The following MYH11 variants were observed in gnomAD, a reference collection of about 807,000 sequenced individuals.
The protein encoded by MYH11 is myosin heavy chain 11.
In MYH11, 80 loss-of-function variants were observed where a neutral mutation model predicts 246.6. That is an observed-to-expected ratio of 0.32 (90% CI 0.27 to 0.39). The LOEUF (loss-of-function observed/expected upper bound fraction) is 0.39. MYH11 is among the 10% of genes least tolerant of loss of function. The probability of loss-of-function intolerance (pLI) is 1.00; values close to 1 mark genes in which losing one functional copy is unlikely to be tolerated. For missense variants in MYH11, 2,158 were observed against 2,546.8 expected (o/e 0.85, Z 3.29); for synonymous variants, 1,071 against 1,015.5 (o/e 1.05, Z -1.04).
chr16:15,741,673 C>T lies in MYH11; in HGVS notation c.2653-4G>A. The T allele has an allele frequency of 6.2e-7, 1 of 1,613,926 alleles. No homozygotes were observed. The highest frequency in any genetic ancestry group is 8.5e-7 in the Non-Finnish European group (1 of 1,180,044). ...GCAGGTTCTTCTCCTCGGTCAGCTG[C>T]ACGCAGGTGGTGGGGAGGAGGCGGG... On this transcript the variant is annotated splice_region_variant and splice_polypyrimidine_tract_variant and intron_variant, in intron 21 of 40. Coordinates refer to ENST00000300036, the MANE Select transcript of MYH11 (RefSeq NM_002474.3).
chr16:15,816,203 T>C (rs1009273106), intron 3 of MYH11, among the ~76,000 whole-genome samples: 5 of 152,120 alleles, frequency 3.3e-5, no homozygotes, highest in Non-Finnish European at 5.9e-5. Flanking sequence ...CTAAGGGGAA[T>C]TTCAAGGATG....
chr16:15,779,520 G>A (rs1471132728), intron 6 of MYH11: 1 of 158,132 alleles, frequency 6.3e-6, no homozygotes, highest in African/African-American at 2.4e-5. Context: ...TTGCTCCTGA[G>A]AGGTAGGGCC....
chr16:15,720,762 CACCA>C, intron 33 of MYH11, 73 bp downstream of exon 33: 2 of 1,481,542 alleles, frequency 1.3e-6, no homozygotes, highest in African/African-American at 2.8e-5. Context: ...GAAGTTTCCA[CACCA>C]ACCATGAGAG....
At chr16:15,777,197 C>A (rs1363349715) in intron 7 of MYH11, among the ~76,000 whole-genome samples, 2 of 152,174 alleles carry the variant, frequency 1.3e-5, no homozygotes, top group East Asian at 1.9e-4. Context: ...TCTTGGCTCA[C>A]TGCAACCTCT....
chr16:15,708,748 A>G (rs1294250172), intron 40 of MYH11: 1 of 1,556,384 alleles, frequency 6.4e-7, no homozygotes, highest in African/African-American at 1.6e-5. Context: ...CGCATTGGGC[A>G]GAAAAGAAAT....
chr16:15,805,858 G>A (rs755553831), intron 3 of MYH11, among the ~76,000 whole-genome samples: 14 of 152,344 alleles, frequency 9.2e-5, no homozygotes, highest in Non-Finnish European at 1.2e-4. Context: ...GGAGGTTGTA[G>A]TAAGCCACGA....
At chr16:15,817,132 A>G (rs1473381528) in intron 3 of MYH11, among the ~76,000 whole-genome samples, 2 of 152,288 alleles carry the variant, frequency 1.3e-5, no homozygotes, top group African/African-American at 4.8e-5. Context: ...AGGGAAGCTA[A>G]GGGTCTAATG....
intron 3 of MYH11, among the ~76,000 whole-genome samples, chr16:15,805,273 C>T (rs771616809): frequency 2.0e-5 from 3 of 152,168 alleles, no homozygotes; most frequent in East Asian, 1.9e-4. Flanking sequence ...TTTGAGAAAA[C>T]GGTGCCTTTC....
rs541280738 is a variant in MYH11, at chr16:15,724,960, G to C, written c.3891C>G (p.Asn1297Lys). The change falls in exon 29 of 41, where the codon AAC becomes AAG. Residue 1297 changes from asparagine to lysine, a missense_variant. Around this residue, in one of 11 missense-constraint regions of MYH11, gnomAD observed 1,013 missense variants for 993.5 expected, o/e 1.02. Transcript: ENST00000300036. ...GCTTAATGGCCTTCCCCTCGGCCTC[G>C]TTAAGCATCCCTGTGACGCTCTCAA... ...NEVESVTGML[N>K]EAEGKAIKLA... is the part of the protein sequence containing the mutation. 2 of 1,613,966 alleles carry C rather than the reference G, an allele frequency of 1.2e-6. No homozygotes were observed. The highest frequency in any genetic ancestry group is 1.7e-6 in the Non-Finnish European group (2 of 1,180,028).
chr16:15,776,062 A>G lies in MYH11; in HGVS notation c.889+16T>C. The G allele has an allele frequency of 6.4e-7, 1 of 1,573,014 alleles. No individual in the cohort carries two copies. ...GGCTCAAGCCATCCAATCACATGTC[A>G]TTGCTAGTCACTTACTTCTCATCTT... On this transcript the variant is annotated intron_variant, in intron 8 of 40. Transcript: ENST00000300036.
intron 3 of MYH11, among the ~76,000 whole-genome samples, chr16:15,804,804 T>C (rs763142768): frequency 4.1e-4 from 62 of 152,240 alleles, no homozygotes; most frequent in Non-Finnish European, 7.8e-4. Flanking sequence ...AGCATGTGGC[T>C]GAAGTTCATC....
At chr16:15,808,146 T>C (rs1001511517) in intron 3 of MYH11, among the ~76,000 whole-genome samples, 4 of 152,208 alleles carry the variant, frequency 2.6e-5, no homozygotes, top group African/African-American at 9.6e-5. Context: ...GCTCTCTACC[T>C]AATGCCCCGC....
Position 15,741,852 on chromosome 16 carries a change from T to C in MYH11, c.2560A>G (p.Met854Val). 6.2e-7 allele frequency: 1 copy of C among 1,614,152 alleles called. No individual in the cohort carries two copies. Among genetic ancestry groups the C allele is most frequent in the Non-Finnish European group, 8.5e-7 (1 of 1,180,032 alleles). ...TGCAGTTCATCCTCCTTGGCCTGCA[T>C]CTCCTCCTCCTGCCGTGTCACCTGC... is the stretch of plus-strand genomic sequence containing the variant. ...LLQVTRQEEEMQAKEDELQKT... is the reference protein window; with the variant it reads ...LLQVTRQEEEVQAKEDELQKT... The change falls in exon 21 of 41, where the codon ATG becomes GTG. Residue 854 changes from methionine (M) to valine (V), a missense_variant. By Grantham distance (21) the Met-to-Val change is conservative. Transcript: ENST00000300036.
chr16:15,771,242 C>T (rs1444527151), intron 9 of MYH11, among the ~76,000 whole-genome samples: 4 of 151,890 alleles, frequency 2.6e-5, no homozygotes, highest in African/African-American at 4.8e-5. Flanking sequence ...TAAAGTGATC[C>T]GCCCACCTTG....
chr16:15,716,912 A>G (rs1216705578), intron 38 of MYH11, among the ~76,000 whole-genome samples: 5 of 152,190 alleles, frequency 3.3e-5, no homozygotes, highest in Non-Finnish European at 7.3e-5. Flanking sequence ...AGGACCATGG[A>G]GATGCTAAGA....
intron 4 of MYH11, among the ~76,000 whole-genome samples, chr16:15,790,619 G>T (rs2042586294): frequency 6.6e-6 from 1 of 152,192 alleles, no homozygotes; most frequent in Non-Finnish European, 1.5e-5. Flanking sequence ...CTGACCTCTA[G>T]GGGTGAAGAT....
chr16:15,735,263 C>T lies in MYH11; in HGVS notation c.3506+103G>A, dbSNP rs1048679705. 16 of 1,286,080 alleles carry T rather than the reference C, an allele frequency of 1.2e-5. No homozygotes were observed. The South Asian group carries it at 1.9e-4, about 15-fold the overall frequency. 79.7% of individuals were successfully genotyped at this position (1,286,080 alleles called of 1,614,324 possible). ...CAAACCGCGGCCAGGAAGGTAAATG[C>T]ACAGGGGCTGATGCACGATTTGCTT... On this transcript the variant is annotated intron_variant, in intron 26 of 40. Transcript: ENST00000300036.
At chr16:15,751,451 C>T (rs1021914277) in intron 15 of MYH11, among the ~76,000 whole-genome samples, 2 of 151,266 alleles carry the variant, frequency 1.3e-5, no homozygotes, top group Non-Finnish European at 2.9e-5. Context: ...GCGTGAGCTA[C>T]CGCGCCCGGC....
intron 8 of MYH11, 103 bp from the exon 9 acceptor site, chr16:15,771,815 CTTTA>C: frequency 6.8e-7 from 1 of 1,464,498 alleles, no homozygotes; most frequent in Admixed American, 1.9e-5. Flanking sequence ...ATTCCTTTCC[CTTTA>C]TCAAGGCTTG....
Sources: gnomAD v4.1 joint callset for allele counts (sites outside exome capture counted in the v4.1 genomes callset) on GRCh38, gnomAD v4.1.1 for gene constraint, gnomAD v4.1.1 regional missense constraint, MANE v1.5 for transcripts, NCBI Gene and HGNC (gene_info 2026-07-23, HGNC 2026-07-21) for gene names.